COMT: variants seen among roughly 807,000 people sequenced by gnomAD.
COMT encodes catechol-O-methyltransferase, also known as catechol O-methyltransferase.
COMT carries 13 observed loss-of-function variants against 18.9 expected under a neutral mutation model. That is an observed-to-expected ratio of 0.69 (90% CI 0.45 to 1.09). COMT has a LOEUF of 1.09. Among genes scored for constraint, COMT ranks in the 50% least tolerant of loss-of-function variants. The pLI is 0.00. For missense variants in COMT, 329 were observed against 361.8 expected (o/e 0.91, Z 0.73); for synonymous variants, 150 against 160.9 (o/e 0.93, Z 0.51).
At chr22:19,967,085 G>C in intron 5 of COMT, 1 of 1,239,096 alleles carries the variant, frequency 8.1e-7, no homozygotes, top group South Asian at 1.4e-5. Flanking sequence ...TCGTAAAGGA[G>C]TGGGCCCCTG....
chr22:19,959,331 G>A (rs1267062847), intron 1 of COMT, among the ~76,000 whole-genome samples: 1 of 152,264 alleles, frequency 6.6e-6, no homozygotes, highest in Admixed American at 6.5e-5. Flanking sequence ...CTGCGAAACT[G>A]GGCAGTGGCC....
At chr22:19,968,509 C>T (rs1942552008) in intron 5 of COMT, 27 bp from the exon 6 acceptor site, 2 of 1,608,688 alleles carry the variant, frequency 1.2e-6, no homozygotes, top group South Asian at 1.1e-5. Context: ...TGACCCTCAC[C>T]TCCCCCACCC....
chr22:19,950,325 T>C (rs1477398597), intron 1 of COMT, among the ~76,000 whole-genome samples: 1 of 146,286 alleles, frequency 6.8e-6, no homozygotes, highest in African/African-American at 2.5e-5. Context: ...CCTCAAGTGA[T>C]CCACTTACCT....
intron 1 of COMT, among the ~76,000 whole-genome samples, chr22:19,955,337 G>T (rs959929882): frequency 6.6e-6 from 1 of 152,200 alleles, no homozygotes; most frequent in Non-Finnish European, 1.5e-5. Context: ...GTCCACAGGC[G>T]CTGCCCAAGC....
intron 1 of COMT, among the ~76,000 whole-genome samples, chr22:19,949,235 C>T (rs1941888500): frequency 6.6e-6 from 1 of 152,034 alleles, no homozygotes; most frequent in Non-Finnish European, 1.5e-5. Context: ...CTCCTGGGCT[C>T]AAGCGATCCT....
Position 19,958,294 on chromosome 22 carries a change from A to G in COMT, c.-91-2905A>G, listed in dbSNP as rs111450487. On this transcript the variant is annotated intron_variant, in intron 1 of 5. Coordinates refer to ENST00000361682, the MANE Select transcript of COMT (RefSeq NM_000754.4). ...ATCCTCCCGCCTCAGCCTCCCAAGT[A>G]TCTGGGACTACACGTGCGGACCACC... Among the ~76,000 whole-genome samples the G allele has an allele frequency of 9.4e-3, 1,419 of 151,066 alleles. 5 individuals are homozygous for G. Among genetic ancestry groups the G allele is most frequent in the Non-Finnish European group, 0.016 (1,083 of 67,824 alleles).
At chr22:19,949,755 G>C (rs753529944) in intron 1 of COMT, among the ~76,000 whole-genome samples, 4 of 151,998 alleles carry the variant, frequency 2.6e-5, no homozygotes, top group Admixed American at 2.6e-4. Flanking sequence ...GAGTCACCAC[G>C]CCCGGCCATA....
chr22:19,956,986 T>TG, intron 1 of COMT, among the ~76,000 whole-genome samples: 1 of 151,748 alleles, frequency 6.6e-6, no homozygotes, highest in South Asian at 2.1e-4. Flanking sequence ...AGTCTCACTC[T>TG]GTTACCCAGG....
chr22:19,948,224 T>G (rs1941871663), intron 1 of COMT, among the ~76,000 whole-genome samples: 1 of 152,232 alleles, frequency 6.6e-6, no homozygotes, highest in Non-Finnish European at 1.5e-5. Flanking sequence ...CCTCGGCACC[T>G]GGGCGACTTG....
rs910999769 is a variant in COMT at position 19,969,950 on chromosome 22, A to G, written c.*1214A>G. On this transcript the variant is annotated 3_prime_UTR_variant, in exon 6 of 6. Transcript: ENST00000361682. Reference sequence around the variant, plus strand: ...CTTACAAAAATTTAGGTGTTTACCAATAGTCTTATTTTGGCTTATTTTTAA... The same window carrying G: ...CTTACAAAAATTTAGGTGTTTACCAGTAGTCTTATTTTGGCTTATTTTTAA... 4.1e-6 allele frequency: 4 copies of G among 985,456 alleles called. No individual in the cohort carries two copies. In the African/African-American group the frequency reaches 7.0e-5, roughly 17 times the overall value. The allele number at this position is 985,456 out of a possible 1,614,324, so 61.0% of individuals were successfully genotyped here.
chr22:19,943,800 G>A (rs1442041184), intron 1 of COMT, among the ~76,000 whole-genome samples: 2 of 152,200 alleles, frequency 1.3e-5, no homozygotes, highest in African/African-American at 4.8e-5. Flanking sequence ...GGCACTCAGG[G>A]ACTTCCTGGT....
chr22:19,946,416 A>T (rs1004775417), intron 1 of COMT, among the ~76,000 whole-genome samples: 9 of 152,228 alleles, frequency 5.9e-5, no homozygotes, highest in African/African-American at 2.2e-4. Flanking sequence ...TGAACCCGGG[A>T]CATGGAGGTT....
At chr22:19,951,891 A>C (rs1941947426) in intron 1 of COMT, among the ~76,000 whole-genome samples, 1 of 152,210 alleles carries the variant, frequency 6.6e-6, no homozygotes, top group Non-Finnish European at 1.5e-5. Flanking sequence ...AGGCTGGGAG[A>C]CAGGGGCCCC....
intron 5 of COMT, 57 bp downstream of exon 5, chr22:19,964,356 A>T: frequency 6.2e-7 from 1 of 1,612,556 alleles, no homozygotes; most frequent in East Asian, 2.2e-5. Flanking sequence ...CCATTCAGTC[A>T]GCCTCAGCCT....
At chr22:19,958,784 G>T (rs1236912538) in intron 1 of COMT, among the ~76,000 whole-genome samples, 1 of 149,954 alleles carries the variant, frequency 6.7e-6, no homozygotes, top group Non-Finnish European at 1.5e-5. Flanking sequence ...CCAGCTACTT[G>T]GGGGGGCTGA....
intron 1 of COMT, among the ~76,000 whole-genome samples, chr22:19,944,246 C>G (rs1273314001): frequency 6.6e-6 from 1 of 152,142 alleles, no homozygotes; most frequent in East Asian, 1.9e-4. Context: ...ACAGGCAGAT[C>G]ATAAAACCTC....
intron 5 of COMT, among the ~76,000 whole-genome samples, chr22:19,967,856 T>TG (rs1942504180): frequency 6.6e-6 from 1 of 152,238 alleles, no homozygotes; most frequent in African/African-American, 2.4e-5. Flanking sequence ...ATAGCATAGA[T>TG]AGGCAAGCAT....
rs746487090 is a variant in COMT, at chr22:19,964,218, G to A, written c.534G>A (p.Lys178=). The A allele has an allele frequency of 6.2e-7, 1 of 1,614,138 alleles. No homozygotes were observed. Among genetic ancestry groups the A allele is most frequent in the South Asian group, 1.1e-5 (1 of 91,090 alleles). ...AGGACATCATCCCCCAGCTGAAGAA[G>A]AAGTATGATGTGGACACACTGGACA... ...ASQDIIPQLK[K]KYDVDTLDMV... is the part of the protein sequence containing the mutation. The change falls in exon 5 of 6, where the codon AAG becomes AAA. Residue 178 remains lysine, a synonymous_variant. Coordinates refer to ENST00000361682, the MANE Select transcript of COMT (RefSeq NM_000754.4).
At chr22:19,949,287 C>T (rs1941889281) in intron 1 of COMT, among the ~76,000 whole-genome samples, 1 of 152,074 alleles carries the variant, frequency 6.6e-6, no homozygotes, top group Admixed American at 6.6e-5. Flanking sequence ...CAGGCATGTA[C>T]CACCATGCCA....
Sources: allele counts gnomAD v4.1 joint callset (sites outside exome capture counted in the v4.1 genomes callset), GRCh38; gene constraint gnomAD v4.1.1; transcripts MANE v1.5; gene names NCBI Gene and HGNC (gene_info 2026-07-23, HGNC 2026-07-21).